PHACTR2: variants seen among roughly 807,000 people sequenced by gnomAD.
PHACTR2 encodes the protein chromosome 6 open reading frame 56.
PHACTR2 carries 30 observed loss-of-function variants against 76.0 expected under a neutral mutation model. That is an observed-to-expected ratio of 0.39 (90% CI 0.30 to 0.54). PHACTR2 has a LOEUF of 0.54. Ranked by LOEUF, PHACTR2 falls within the 20% of genes least tolerant of loss-of-function variation. PHACTR2 has a pLI of 0.61. For missense variants in PHACTR2, 696 were observed against 781.1 expected, an observed-to-expected ratio of 0.89 and a Z score of 1.30; for synonymous variants, 292 against 292.5, an observed-to-expected ratio of 1.00 and a Z score of 0.02.
upstream of PHACTR2, among the ~76,000 whole-genome samples, chr6:143,675,399 C>G (rs1195119648): frequency 6.6e-6 from 1 of 152,140 alleles, no homozygotes; most frequent in African/African-American, 2.4e-5. This position sits in a 1 kb window ranked among gnomAD's most constrained non-coding sequence, Gnocchi z 4.9. Context: ...TTCACACAGG[C>G]TGGTGGGCCA....
rs1285369114 is a variant in PHACTR2, at chr6:143,775,960, G to A, written c.1590-1368G>A. On this transcript the variant is annotated intron_variant, in intron 8 of 12. Transcript: ENST00000440869. The surrounding 1 kb of genome is among the most constrained non-coding windows in gnomAD (Gnocchi z 4.4). ...GGCCTGGCCAACATGGCGAAATACCGTTTCTACTAAAAATACAAATATTAG... is the reference window on the plus strand; with the variant it reads ...GGCCTGGCCAACATGGCGAAATACCATTTCTACTAAAAATACAAATATTAG... Among the ~76,000 whole-genome samples, 7 of 152,132 alleles carry A rather than the reference G, an allele frequency of 4.6e-5. No homozygotes were observed. In the East Asian group the frequency reaches 7.7e-4, roughly 17 times the overall value.
At chr6:143,770,894 C>T (rs1249675838) in intron 6 of PHACTR2, among the ~76,000 whole-genome samples, 1 of 146,888 alleles carries the variant, frequency 6.8e-6, no homozygotes, top group Non-Finnish European at 1.5e-5. Flanking sequence ...TTATTGCTTC[C>T]TTGCATATCA....
In PHACTR2 at chr6:143,811,238, C is replaced by T. The variant is rs1442015439; in HGVS notation, c.1922+4105C>T. Among the ~76,000 whole-genome samples, 2 of 152,154 alleles carry T rather than the reference C, an allele frequency of 1.3e-5. No individual in the cohort carries two copies. Among genetic ancestry groups the T allele is most frequent in the Admixed American group, 6.6e-5 (1 of 15,260 alleles). ...GGATGTGAAATTCTCTTTTAATATA[C>T]ACATCGGTCAATTTCTGGATTGCTT... On this transcript the variant is annotated intron_variant, in intron 12 of 12. Transcript: ENST00000440869. This position sits in a 1 kb window ranked among gnomAD's most constrained non-coding sequence, Gnocchi z 4.1.
chr6:143,607,429 C>G (rs185295806), upstream of PHACTR2, among the ~76,000 whole-genome samples: 9 of 152,194 alleles, frequency 5.9e-5, no homozygotes, highest in Admixed American at 5.9e-4. Flanking sequence ...CCAAATTAAA[C>G]GAAAGAAGTG....
Position 143,585,127 on chromosome 6 carries a change from C to T in PHACTR2, c.217+47920C>T, listed in dbSNP as rs9484775. 0.035 allele frequency among the ~76,000 whole-genome samples: 5,310 copies of T among 152,110 alleles called. 303 individuals are homozygous for T. The highest frequency in any genetic ancestry group is 0.12 in the African/African-American group (4,786 of 41,464). The stretch of plus-strand genomic sequence containing the variant: ...CAGGACCAAGGCCTGGCAGTAGACC[C>T]GTACACCAAGGGGGACCAGTGGAAG... On this transcript the variant is annotated intron_variant, in intron 1 of 11. Transcript: ENST00000367584. The surrounding 1 kb of genome is among the most constrained non-coding windows in gnomAD (Gnocchi z 5.2).
In PHACTR2 at chr6:143,688,880, C is replaced by G. The variant is rs550821056; in HGVS notation, c.46+10671C>G. Reference sequence around the variant, plus strand: ...GCATAAATCATGTCACTCACTCACTCAAAACCTTCCTGTCCTCCCACTGCA... The same window carrying G: ...GCATAAATCATGTCACTCACTCACTGAAAACCTTCCTGTCCTCCCACTGCA... On this transcript the variant is annotated intron_variant, in intron 1 of 12. Coordinates refer to ENST00000440869, the MANE Select transcript of PHACTR2 (RefSeq NM_001100164.2). The surrounding 1 kb of genome is among the most constrained non-coding windows in gnomAD (Gnocchi z 5.2). Among the ~76,000 whole-genome samples, 199 of 152,324 alleles carry G rather than the reference C, an allele frequency of 1.3e-3. No individual in the cohort carries two copies. The highest frequency in any genetic ancestry group is 4.5e-3 in the African/African-American group (186 of 41,572).
chr6:143,613,090 C>T (rs913164131), intron 1 of PHACTR2, among the ~76,000 whole-genome samples: 1 of 152,252 alleles, frequency 6.6e-6, no homozygotes, highest in Non-Finnish European at 1.5e-5. Context: ...CATTCCCTGG[C>T]CTCAGCCTCC....
At chr6:143,797,937 A>G (rs1241255875) in intron 11 of PHACTR2, among the ~76,000 whole-genome samples, 1 of 152,204 alleles carries the variant, frequency 6.6e-6, no homozygotes, top group Non-Finnish European at 1.5e-5. Flanking sequence ...CTGTGAAGAA[A>G]GTCAGTGGTA....
rs1776275700 is a variant in PHACTR2 at position 143,627,130 on chromosome 6, A to G, written c.13+18808A>G. On this transcript the variant is annotated intron_variant, in intron 1 of 11. Transcript: ENST00000305766. This position sits in a 1 kb window ranked among gnomAD's most constrained non-coding sequence, Gnocchi z 4.3. ...GAAGTGCTTAGGTATCTATGAACCA[A>G]ACAAGTTAGAAGGTCCAGGAGGGAA... Among the ~76,000 whole-genome samples, 1 of 152,186 alleles carries G rather than the reference A, an allele frequency of 6.6e-6. No homozygotes were observed.
intron 1 of PHACTR2, among the ~76,000 whole-genome samples, chr6:143,626,253 A>G (rs1248894124): frequency 1.3e-5 from 2 of 151,894 alleles, no homozygotes; most frequent in Non-Finnish European, 2.9e-5. Flanking sequence ...TTAGCACAAA[A>G]CCGGCCGGGC....
rs1175499699 is a variant in PHACTR2, at chr6:143,618,084, A to G, written c.13+9762A>G. 6.6e-6 allele frequency among the ~76,000 whole-genome samples: 1 copy of G among 152,176 alleles called. No homozygotes were observed. The highest frequency in any genetic ancestry group is 1.5e-5 in the Non-Finnish European group (1 of 68,036). On this transcript the variant is annotated intron_variant, in intron 1 of 11. Coordinates refer to the PHACTR2 transcript ENST00000305766. The surrounding 1 kb of genome is among the most constrained non-coding windows in gnomAD (Gnocchi z 5.2). The stretch of plus-strand genomic sequence containing the variant: ...AAGAGGTACATTATTAGACCCCCAA[A>G]TAGCACTGCTATGATTTAATCATCA...
At chr6:143,749,194 G>A (rs751856247) in intron 3 of PHACTR2, 129 bp downstream of exon 3, 9 of 599,088 alleles carry the variant, frequency 1.5e-5, no homozygotes, top group Middle Eastern at 4.3e-4. Context: ...CATTCCAAGC[G>A]CCGTGCTTCC....
chr6:143,819,380 G>A lies in PHACTR2; in HGVS notation c.1923-4294G>A, dbSNP rs1776365831. On this transcript the variant is annotated intron_variant, in intron 12 of 12. Transcript: ENST00000440869. The surrounding 1 kb of genome is among the most constrained non-coding windows in gnomAD (Gnocchi z 5.0). ...GGTATAGATCCGATGGCCAAGAAAG[G>A]GGTCTGTATCTGTCTGAGTTCTCCA... is the stretch of plus-strand genomic sequence containing the variant. Among the ~76,000 whole-genome samples, 1 of 152,170 alleles carries A rather than the reference G, an allele frequency of 6.6e-6. No homozygotes were observed.
intron 1 of PHACTR2, among the ~76,000 whole-genome samples, chr6:143,693,575 C>T (rs73577974): frequency 0.031 from 4,657 of 152,272 alleles, 207 homozygotes; most frequent in African/African-American, 0.11. Context: ...CATTTAAGGA[C>T]TTTAAGCAAT....
rs1011387248 is a variant in PHACTR2, at chr6:143,765,853, A to G, written c.1232+55A>G. 1 of 1,427,168 alleles carries G rather than the reference A, an allele frequency of 7.0e-7. No homozygotes were observed. The highest frequency in any genetic ancestry group is 1.4e-5 in the African/African-American group (1 of 70,360). 88.4% of individuals were successfully genotyped at this position (1,427,168 alleles called of 1,614,324 possible). A position where few individuals can be genotyped will look rare whatever the true frequency, so the allele number is the denominator to read the frequency against. ...TCTGAGAACTAAAGATCACTAATATATTCTGTTGGAAATGAAGCACCGGGT... is the reference window on the plus strand; with the variant it reads ...TCTGAGAACTAAAGATCACTAATATGTTCTGTTGGAAATGAAGCACCGGGT... On this transcript the variant is annotated intron_variant, in intron 6 of 12. Transcript: ENST00000440869. This position sits in a 1 kb window ranked among gnomAD's most constrained non-coding sequence, Gnocchi z 4.1.
chr6:143,778,836 T>G (rs1775347512), intron 9 of PHACTR2, among the ~76,000 whole-genome samples: 1 of 152,146 alleles, frequency 6.6e-6, no homozygotes, highest in Non-Finnish European at 1.5e-5. Context: ...CTTGATCCTG[T>G]GAGATAAATA....
chr6:143,822,158 A>T lies in PHACTR2; in HGVS notation c.1923-1516A>T, dbSNP rs181071154. On this transcript the variant is annotated intron_variant, in intron 12 of 12. Transcript: ENST00000440869. The surrounding 1 kb of genome is among the most constrained non-coding windows in gnomAD (Gnocchi z 5.5). ...CACTTTCTGAAAAGCCTTACTTGCT[A>T]CTCCAGGAACTTTAAATTTTATTTT... Among the ~76,000 whole-genome samples, 13 of 152,198 alleles carry T rather than the reference A, an allele frequency of 8.5e-5. No homozygotes were observed. The highest frequency in any genetic ancestry group is 2.9e-4 in the African/African-American group (12 of 41,546).
At position 143,799,345 on chromosome 6, in the gene PHACTR2, T is replaced by A. The variant is rs537343426; in HGVS notation, c.1846-7712T>A. On this transcript the variant is annotated intron_variant, in intron 11 of 12. Coordinates refer to ENST00000440869, the MANE Select transcript of PHACTR2 (RefSeq NM_001100164.2). ...TCTTTTCAAAAAGCCAGTTCCTGGA[T>A]TCATTGATTTTTTGAAGGGTTTTTT... Among the ~76,000 whole-genome samples, 14 of 152,360 alleles carry A rather than the reference T, an allele frequency of 9.2e-5. No homozygotes were observed. In the South Asian group the frequency reaches 2.9e-3, roughly 32 times the overall value.
At position 143,667,917 on chromosome 6, in the gene PHACTR2, G is replaced by A. The variant is rs149455571; in HGVS notation, c.14-44099G>A. Among the ~76,000 whole-genome samples, 171 of 152,292 alleles carry A rather than the reference G, an allele frequency of 1.1e-3. 2 individuals carry two copies. Among genetic ancestry groups the A allele is most frequent in the African/African-American group, 3.9e-3 (164 of 41,560 alleles). ...CCCTGGCCAGAACTTCCAATACAATGTTGAATAGGAGTGGTGAGAGAGGGC... is the reference window on the plus strand; with the variant it reads ...CCCTGGCCAGAACTTCCAATACAATATTGAATAGGAGTGGTGAGAGAGGGC... On this transcript the variant is annotated intron_variant, in intron 1 of 11. Coordinates refer to the PHACTR2 transcript ENST00000305766.
Sources: allele counts gnomAD v4.1 joint callset (sites outside exome capture counted in the v4.1 genomes callset), GRCh38; gene constraint gnomAD v4.1.1; non-coding constraint Gnocchi (gnomAD v3.1); transcripts MANE v1.5; gene names NCBI Gene and HGNC (gene_info 2026-07-23, HGNC 2026-07-21).